The following LRRC49 variants were observed in gnomAD, a reference collection of about 807,000 sequenced individuals.
The protein encoded by LRRC49 is leucine-rich repeat-containing protein 49.
In LRRC49, 50 loss-of-function variants were observed where a neutral mutation model predicts 83.3. The ratio of observed to expected loss-of-function variants is 0.60; its 90% CI spans 0.48 to 0.76. LRRC49 has a LOEUF of 0.76. LRRC49 is among the 30% of genes least tolerant of loss of function. The pLI, the probability that LRRC49 is intolerant of heterozygous loss-of-function variation, is 0.00. For synonymous variants in LRRC49, 286 were observed against 283.3 expected, an observed-to-expected ratio of 1.01 and a Z score of -0.10; for missense variants, 704 against 809.1, an observed-to-expected ratio of 0.87 and a Z score of 1.58.
chr15:70,994,374 G>T (rs2038005216), intron 11 of LRRC49, among the ~76,000 whole-genome samples: 1 of 152,046 alleles, frequency 6.6e-6, no homozygotes. Context: ...TAGTAATTTT[G>T]TAGTAAGTTT....
chr15:70,868,399 G>C (rs947995506), intron 1 of LRRC49, among the ~76,000 whole-genome samples: 13 of 152,162 alleles, frequency 8.5e-5, no homozygotes, highest in South Asian at 2.1e-4. Context: ...TTATACTTAT[G>C]TTACATCACA....
Position 70,984,168 on chromosome 15 carries a change from T to C in LRRC49, c.1080T>C (p.Ala360=). ...AACAACAACGAGTAGCCAATATTGC[T>C]ACAAATGAAGATAGAAAAGATTCTG... ...DLQQQRVANI[A]TNEDRKDSDS... is the part of the protein sequence containing the mutation. The change falls in exon 11 of 16, where the codon GCT becomes GCC. Residue 360 remains alanine (A), a synonymous_variant. Transcript: ENST00000260382. 1 of 1,613,312 alleles carries C rather than the reference T, an allele frequency of 6.2e-7. No homozygotes were observed. The highest frequency in any genetic ancestry group is 8.5e-7 in the Non-Finnish European group (1 of 1,179,526).
chr15:70,990,012 C>G (rs1450399667), intron 11 of LRRC49, among the ~76,000 whole-genome samples: 1 of 152,074 alleles, frequency 6.6e-6, no homozygotes, highest in Non-Finnish European at 1.5e-5. Context: ...AGAGGAGTAC[C>G]CGGCTGTGTG....
At chr15:70,892,463 T>C (rs1207714202), upstream of LRRC49, 2 of 1,532,848 alleles carry the variant, frequency 1.3e-6, no homozygotes, top group Non-Finnish European at 1.7e-6. Context: ...CTCTTTGATA[T>C]CTTCCTCCTC....
intron 14 of LRRC49, among the ~76,000 whole-genome samples, chr15:71,031,187 G>T (rs939835989): frequency 3.3e-5 from 5 of 152,158 alleles, no homozygotes; most frequent in African/African-American, 1.2e-4. Flanking sequence ...TGGGGTTTTT[G>T]TGTGGGGATC....
intron 14 of LRRC49, among the ~76,000 whole-genome samples, chr15:71,023,459 T>G (rs2039056460): frequency 6.6e-6 from 1 of 152,152 alleles, no homozygotes; most frequent in South Asian, 2.1e-4. Context: ...AGACTCCCAC[T>G]GAGAAGAACA....
chr15:71,051,825 C>A lies in LRRC49; in HGVS notation c.*2213C>A, dbSNP rs897875508. 1.3e-5 allele frequency: 2 copies of A among 152,240 alleles called. No individual in the cohort carries two copies. The highest frequency in any genetic ancestry group is 2.9e-5 in the Non-Finnish European group (2 of 68,092). 9.4% of individuals were successfully genotyped at this position (152,240 alleles called of 1,614,324 possible). A position where few individuals can be genotyped will look rare whatever the true frequency, so the allele number is the denominator to read the frequency against. On this transcript the variant is annotated 3_prime_UTR_variant, in exon 16 of 16. Transcript: ENST00000260382. ...CAGCCACTGCTGGCTCTATGCAGACCTGCTTCAGGCCTGGTAATAGGGTCT... is the reference window on the plus strand; with the variant it reads ...CAGCCACTGCTGGCTCTATGCAGACATGCTTCAGGCCTGGTAATAGGGTCT...
intron 7 of LRRC49, among the ~76,000 whole-genome samples, chr15:70,931,682 A>G (rs547140235): frequency 5.9e-5 from 9 of 152,202 alleles, no homozygotes; most frequent in African/African-American, 2.2e-4. Flanking sequence ...TCAAGTTACT[A>G]TATTTTCTTA....
At chr15:70,997,554 C>T (rs1373354058) in intron 11 of LRRC49, among the ~76,000 whole-genome samples, 2 of 152,012 alleles carry the variant, frequency 1.3e-5, no homozygotes, top group East Asian at 1.9e-4. Context: ...AGTTTGAGAC[C>T]ATCCTGGCCA....
chr15:70,946,252 A>C (rs1460947961), intron 8 of LRRC49, among the ~76,000 whole-genome samples: 1 of 152,238 alleles, frequency 6.6e-6, no homozygotes, highest in East Asian at 1.9e-4. Context: ...ATCACCCTAC[A>C]TGACCATAGC....
At chr15:70,992,107 G>A (rs1431176467) in intron 11 of LRRC49, among the ~76,000 whole-genome samples, 3 of 152,200 alleles carry the variant, frequency 2.0e-5, no homozygotes, top group South Asian at 2.1e-4. Context: ...TGAATTGGCT[G>A]CTGAAGCTTG....
At chr15:70,984,735 C>G (rs894373439) in intron 11 of LRRC49, among the ~76,000 whole-genome samples, 4 of 150,192 alleles carry the variant, frequency 2.7e-5, no homozygotes, top group Non-Finnish European at 5.9e-5. Flanking sequence ...CCAATTAACT[C>G]GTCATTTAGC....
chr15:70,869,453 T>C (rs2032982835), intron 1 of LRRC49, among the ~76,000 whole-genome samples: 1 of 152,202 alleles, frequency 6.6e-6, no homozygotes, highest in South Asian at 2.1e-4. Flanking sequence ...GGACATGTGA[T>C]CCAGGGTGAA....
At chr15:70,859,807 G>A (rs1302974125) in intron 1 of LRRC49, 1 of 754,954 alleles carries the variant, frequency 1.3e-6, no homozygotes, top group Non-Finnish European at 2.5e-6. Context: ...GGGCCAGGCA[G>A]GATATGGTGT....
upstream of LRRC49, among the ~76,000 whole-genome samples, chr15:70,887,909 A>C (rs889452729): frequency 3.9e-5 from 6 of 152,212 alleles, no homozygotes; most frequent in African/African-American, 1.4e-4. Flanking sequence ...ATTTATCAAT[A>C]TGCACTTATA....
At chr15:70,982,338 A>C (rs2037433041) in intron 10 of LRRC49, among the ~76,000 whole-genome samples, 1 of 152,138 alleles carries the variant, frequency 6.6e-6, no homozygotes, top group South Asian at 2.1e-4. Context: ...CTTGATACTG[A>C]GTAAAAAAAA....
chr15:71,034,427 T>C (rs1461603547), intron 14 of LRRC49, among the ~76,000 whole-genome samples: 1 of 151,930 alleles, frequency 6.6e-6, no homozygotes, highest in East Asian at 1.9e-4. Flanking sequence ...GCTTTTACAC[T>C]GTTAGTGGGA....
chr15:70,892,758 C>A, upstream of LRRC49: 1 of 1,573,008 alleles, frequency 6.4e-7, no homozygotes, highest in Non-Finnish European at 8.6e-7. Flanking sequence ...CGGGAGAGGT[C>A]CAGACCGGAA....
intron 1 of LRRC49, chr15:70,859,183 G>T (rs1250587162): frequency 2.7e-6 from 4 of 1,472,176 alleles, no homozygotes. Context: ...TGAGCCAGGA[G>T]AAGCTGAAGC....
Sources: allele counts gnomAD v4.1 joint callset (sites outside exome capture counted in the v4.1 genomes callset), GRCh38; gene constraint gnomAD v4.1.1; transcripts MANE v1.5; gene names NCBI Gene and HGNC (gene_info 2026-07-23, HGNC 2026-07-21).